The following MBP variants were observed in gnomAD, a reference collection of about 807,000 sequenced individuals.
MBP encodes myelin basic protein, also known as Golli-MBP.
A neutral mutation model predicts 35.8 loss-of-function variants in MBP; 16 were observed. The ratio of observed to expected loss-of-function variants is 0.45; its 90% CI spans 0.30 to 0.68. MBP has a LOEUF of 0.68. Ranked by LOEUF, MBP falls within the 30% of genes least tolerant of loss-of-function variation. The pLI is 0.08. For missense variants in MBP, 380 were observed against 404.7 expected (o/e 0.94, Z 0.52); for synonymous variants, 143 against 159.6 (o/e 0.90, Z 0.78).
At chr18:77,090,681 C>T (rs1016362398) in intron 2 of MBP, among the ~76,000 whole-genome samples, 24 of 152,154 alleles carry the variant, frequency 1.6e-4, no homozygotes, top group African/African-American at 2.9e-4. Flanking sequence ...TCTATCCTCC[C>T]GGCTCTCGGG....
chr18:77,043,319 C>G (rs1698782817), intron 3 of MBP, among the ~76,000 whole-genome samples: 1 of 152,166 alleles, frequency 6.6e-6, no homozygotes, highest in Admixed American at 6.5e-5. Flanking sequence ...GTCAACATCT[C>G]CATGTCATGA....
chr18:77,002,187 T>C (rs112504793), intron 4 of MBP, among the ~76,000 whole-genome samples: 57 of 152,230 alleles, frequency 3.7e-4, no homozygotes, highest in African/African-American at 1.3e-3. Context: ...GAATGGTGCG[T>C]TCTCATGGAG....
intron 3 of MBP, among the ~76,000 whole-genome samples, chr18:77,029,281 C>T (rs913899602): frequency 9.3e-5 from 14 of 149,754 alleles, no homozygotes; most frequent in Admixed American, 2.0e-4. Flanking sequence ...CGTGGCGGCG[C>T]GCGCCTGCAA....
chr18:77,107,429 C>T (rs1032705617), intron 1 of MBP, among the ~76,000 whole-genome samples: 1 of 152,194 alleles, frequency 6.6e-6, no homozygotes, highest in African/African-American at 2.4e-5. Flanking sequence ...CTCCTCCTCC[C>T]ACCTCCTTAT....
chr18:77,088,825 G>A (rs898229), intron 2 of MBP, among the ~76,000 whole-genome samples: 126,570 of 152,192 alleles, frequency 0.83, 52,922 homozygotes, highest in East Asian at 0.97. Context: ...AGCCCCTAGC[G>A]CCTTGAAGAT....
At chr18:77,100,539 G>A (rs35568206) in intron 2 of MBP, among the ~76,000 whole-genome samples, 2 of 64,138 alleles carry the variant, frequency 3.1e-5, no homozygotes, top group African/African-American at 8.2e-5. Flanking sequence ...GTGTGTGTGT[G>A]TGTGTGTTTT....
rs1969721629 is a variant in MBP, at chr18:76,988,810, C to A, written c.717+67G>T. The A allele has an allele frequency of 3.9e-6, 6 of 1,529,354 alleles. No homozygotes were observed. In the South Asian group the frequency reaches 7.2e-5, roughly 18 times the overall value. 94.7% of individuals were successfully genotyped at this position (1,529,354 alleles called of 1,614,324 possible). ...TCGGAGCCTAACTCTCTCTTTGGTA[C>A]ATTATGGGATTTTAGAGAAGGTCTA... On this transcript the variant is annotated intron_variant, in intron 6 of 8. Coordinates refer to ENST00000355994, the MANE Select transcript of MBP (RefSeq NM_001025101.2). This position sits in a 1 kb window ranked among gnomAD's most constrained non-coding sequence, Gnocchi z 5.2.
intron 1 of MBP, chr18:77,127,512 A>C (rs752678194): frequency 6.6e-6 from 1 of 152,242 alleles, no homozygotes; most frequent in Non-Finnish European, 1.5e-5. Context: ...TCACACCAAA[A>C]ATCAAAATCC....
At chr18:76,987,374 GA>G (rs1969616039) in intron 7 of MBP, 1 of 985,328 alleles carries the variant, frequency 1.0e-6, no homozygotes, top group African/African-American at 1.7e-5. Flanking sequence ...CATTAGGTCA[GA>G]AAAAGCAAGT....
At chr18:77,014,657 G>C in intron 4 of MBP, 7 of 985,446 alleles carry the variant, frequency 7.1e-6, no homozygotes, top group Non-Finnish European at 8.4e-6. Context: ...CGGGTCTGTA[G>C]CTGGGTGTAG....
At chr18:77,066,977 T>C (rs1172761528) in intron 2 of MBP, among the ~76,000 whole-genome samples, 3 of 152,260 alleles carry the variant, frequency 2.0e-5, no homozygotes, top group African/African-American at 7.2e-5. Flanking sequence ...GGGCCTCCCT[T>C]TGCCTGTCGT....
intron 3 of MBP, among the ~76,000 whole-genome samples, chr18:77,036,862 C>A (rs1972792084): frequency 2.5e-5 from 3 of 121,254 alleles, no homozygotes; most frequent in Non-Finnish European, 4.9e-5. Context: ...GAGGACTGAG[C>A]TGAGCAAGTG....
chr18:77,089,647 G>A (rs922461242), intron 2 of MBP, among the ~76,000 whole-genome samples: 4 of 152,220 alleles, frequency 2.6e-5, no homozygotes, highest in Admixed American at 2.6e-4. Flanking sequence ...CATTCAGCAT[G>A]TGGCAGTTCG....
At position 77,066,278 on chromosome 18, in the gene MBP, C is replaced by A; in HGVS notation, c.139+20G>T. 6.3e-7 allele frequency: 1 copy of A among 1,596,194 alleles called. No homozygotes were observed. The highest frequency in any genetic ancestry group is 8.6e-7 in the Non-Finnish European group (1 of 1,165,770). ...GCTGTCACCATGTGGCGCCATGTTG[C>A]CGATATCTGCGTCACCTACCGAACA... is the stretch of plus-strand genomic sequence containing the variant. On this transcript the variant is annotated intron_variant, in intron 3 of 8. Transcript: ENST00000355994.
intron 7 of MBP, chr18:76,987,467 TC>T (rs1221168594): frequency 2.0e-6 from 2 of 985,396 alleles, no homozygotes; most frequent in African/African-American, 3.5e-5. Flanking sequence ...TGATCTGGGA[TC>T]CTCATGGTCT....
intron 4 of MBP, chr18:77,005,800 T>C (rs1184782272): frequency 6.6e-6 from 1 of 152,516 alleles, no homozygotes; most frequent in Non-Finnish European, 1.5e-5. Flanking sequence ...GCTCTGAGGG[T>C]GGCCAGGCCT....
At chr18:77,086,027 A>T (rs1345104426) in intron 2 of MBP, among the ~76,000 whole-genome samples, 1 of 151,052 alleles carries the variant, frequency 6.6e-6, no homozygotes. Context: ...ACAGACAAAC[A>T]GAGAGAGAGA....
At chr18:77,077,641 C>T (rs1444475015) in intron 2 of MBP, among the ~76,000 whole-genome samples, 2 of 152,148 alleles carry the variant, frequency 1.3e-5, no homozygotes, top group African/African-American at 2.4e-5. Flanking sequence ...GATGCTGGGC[C>T]GGCCCGGGGC....
chr18:77,106,410 A>C (rs1410994824), intron 1 of MBP, among the ~76,000 whole-genome samples: 1 of 152,122 alleles, frequency 6.6e-6, no homozygotes, highest in Non-Finnish European at 1.5e-5. Context: ...ATCACCCCAC[A>C]GCCACTGGAA....
Sources: allele counts gnomAD v4.1 joint callset (sites outside exome capture counted in the v4.1 genomes callset), GRCh38; gene constraint gnomAD v4.1.1; non-coding constraint Gnocchi (gnomAD v3.1); transcripts MANE v1.5; gene names NCBI Gene and HGNC (gene_info 2026-07-23, HGNC 2026-07-21).